Variants in ICA1 observed in about 807,000 individuals in gnomAD.
ICA1 encodes the protein 69 kDa islet cell autoantigen.
A neutral mutation model predicts 71.0 loss-of-function variants in ICA1; 40 were observed. The ratio of observed to expected loss-of-function variants is 0.56; its 90% CI spans 0.44 to 0.73. The LOEUF (loss-of-function observed/expected upper bound fraction) is 0.73, where lower values mean the gene tolerates loss of function less well. ICA1 is among the 30% of genes least tolerant of loss of function. The pLI, the probability that ICA1 is intolerant of heterozygous loss-of-function variation, is 0.00. For missense variants in ICA1, 578 were observed against 576.5 expected (o/e 1.00, Z -0.03); for synonymous variants, 207 against 209.5 (o/e 0.99, Z 0.10).
At chr7:8,142,769 G>A (rs1795656251) in intron 9 of ICA1, among the ~76,000 whole-genome samples, 1 of 152,172 alleles carries the variant, frequency 6.6e-6, no homozygotes, top group African/African-American at 2.4e-5. Flanking sequence ...CATAGTAGGT[G>A]CTCACTAAAA....
Position 8,140,664 on chromosome 7 carries a change from G to A in ICA1, c.955+1101C>T, listed in dbSNP as rs559377736. Among the ~76,000 whole-genome samples the A allele has an allele frequency of 4.6e-5, 7 of 152,316 alleles. No individual in the cohort carries two copies. In the East Asian group the frequency reaches 5.8e-4, roughly 13 times the overall value. On this transcript the variant is annotated intron_variant, in intron 10 of 13. Transcript: ENST00000402384. ...CCAGCGCCATGCCTGGCACAGAGGCGGCTCAATAAACATCTGTTGAACAAA... is the reference window on the plus strand; with the variant it reads ...CCAGCGCCATGCCTGGCACAGAGGCAGCTCAATAAACATCTGTTGAACAAA...
rs1254964031 is a variant in ICA1 at position 8,223,938 on chromosome 7, A to G, written c.257-2540T>C. On this transcript the variant is annotated intron_variant, in intron 4 of 13. Coordinates refer to ENST00000402384, the MANE Select transcript of ICA1 (RefSeq NM_001136020.3). This position sits in a 1 kb window ranked among gnomAD's most constrained non-coding sequence, Gnocchi z 4.1. ...CAACTATGGAACTATGAAATTAATT[A>G]GCTGGACAGCATTAACTCACTCAGC... is the stretch of plus-strand genomic sequence containing the variant. Among the ~76,000 whole-genome samples, 1 of 152,240 alleles carries G rather than the reference A, an allele frequency of 6.6e-6. No homozygotes were observed. The highest frequency in any genetic ancestry group is 1.9e-4 in the East Asian group (1 of 5,200).
intron 6 of ICA1, among the ~76,000 whole-genome samples, chr7:8,174,767 A>ACAAAGAAC (rs3078590): frequency 8.7e-6 from 1 of 115,136 alleles, no homozygotes; most frequent in East Asian, 3.0e-4. Context: ...AAAAAAAAAA[A>ACAAAGAAC]AAAAAAAAAA....
At chr7:8,159,161 T>A (rs1212491760) in intron 6 of ICA1, among the ~76,000 whole-genome samples, 1 of 152,230 alleles carries the variant, frequency 6.6e-6, no homozygotes, top group Non-Finnish European at 1.5e-5. Flanking sequence ...GTTTTCCCAC[T>A]AATGTCCTTT....
At chr7:8,187,801 A>G (rs1218415910) in intron 6 of ICA1, among the ~76,000 whole-genome samples, 1 of 152,244 alleles carries the variant, frequency 6.6e-6, no homozygotes. Flanking sequence ...GACACACATT[A>G]GCCCAGATTT....
At chr7:8,219,460 G>A (rs889829644) in intron 5 of ICA1, among the ~76,000 whole-genome samples, 14 of 152,354 alleles carry the variant, frequency 9.2e-5, no homozygotes, top group African/African-American at 3.4e-4. Flanking sequence ...TGCCTTACGT[G>A]CGTGTAGCAC....
chr7:8,137,477 T>C (rs1562599850), intron 12 of ICA1, among the ~76,000 whole-genome samples: 1 of 152,168 alleles, frequency 6.6e-6, no homozygotes, highest in African/African-American at 2.4e-5. Context: ...CTGACTTTGG[T>C]AAGAATAAAA....
At chr7:8,124,860 C>G (rs1368525518) in intron 13 of ICA1, among the ~76,000 whole-genome samples, 1 of 151,922 alleles carries the variant, frequency 6.6e-6, no homozygotes, top group East Asian at 1.9e-4. Flanking sequence ...GTGATCTCAG[C>G]TCACTGCAAC....
At position 8,127,927 on chromosome 7, in the gene ICA1, G is replaced by T; in HGVS notation, c.1276C>A (p.Leu426Ile). The T allele has an allele frequency of 6.2e-7, 1 of 1,614,262 alleles. No homozygotes were observed. ...TTTTGGTCTAAAAGCTGCGAAGGAA[G>T]GAAACCTGAGCCTGTCTGGGCCTTG... ...DPKAQTGSGF[L>I]PSQLLDQNMK... Residue 426 changes from leucine (L) to isoleucine (I), a missense_variant, in exon 13 of 14, where the codon CTT (leucine) becomes ATT (isoleucine). Physicochemically the swap from Leu to Ile is conservative, Grantham distance 5. Transcript: ENST00000402384.
At chr7:8,139,071 GT>G (rs1794342232) in intron 10 of ICA1, 24 bp from the exon 11 acceptor site, 2 of 1,583,996 alleles carry the variant, frequency 1.3e-6, no homozygotes, top group Non-Finnish European at 1.7e-6. Flanking sequence ...TGTGCAACTG[GT>G]TACCAACAAC....
chr7:8,127,153 T>C (rs939222925), intron 13 of ICA1, among the ~76,000 whole-genome samples: 1 of 151,674 alleles, frequency 6.6e-6, no homozygotes, highest in African/African-American at 2.4e-5. Context: ...CCTAAGTTTT[T>C]TTTTTTTTTG....
In ICA1 at chr7:8,183,611, C is replaced by T. The variant is rs868732582; in HGVS notation, c.580-24959G>A. ...ATCAGAAGCTTCCTGCCTTTGTAAC[C>T]CTGAGCAAGTTATTTAACCTTTCTG... On this transcript the variant is annotated intron_variant, in intron 6 of 13. Transcript: ENST00000402384. Among the ~76,000 whole-genome samples, 23 of 152,246 alleles carry T rather than the reference C, an allele frequency of 1.5e-4. No homozygotes were observed. In the Middle Eastern group the frequency reaches 0.014, roughly 90 times the overall value.
At chr7:8,114,698 C>T (rs1784229815) in intron 13 of ICA1, among the ~76,000 whole-genome samples, 2 of 152,230 alleles carry the variant, frequency 1.3e-5, no homozygotes, top group African/African-American at 4.8e-5. Context: ...CCCTAACTTC[C>T]TGAATACCAC....
intron 2 of ICA1, among the ~76,000 whole-genome samples, chr7:8,233,176 A>G (rs1259611113): frequency 1.3e-5 from 2 of 152,208 alleles, no homozygotes; most frequent in African/African-American, 4.8e-5. Flanking sequence ...TGATGGCAGG[A>G]AAGCAGAGAT....
intron 1 of ICA1, among the ~76,000 whole-genome samples, chr7:8,260,428 G>T (rs746513692): frequency 6.6e-6 from 1 of 152,112 alleles, no homozygotes; most frequent in Non-Finnish European, 1.5e-5. Flanking sequence ...TTACCATCCA[G>T]TATCTTTAGC....
chr7:8,156,733 T>A (rs1208255094), intron 8 of ICA1: 2 of 1,189,784 alleles, frequency 1.7e-6, no homozygotes, highest in East Asian at 2.7e-5. Flanking sequence ...ATATAATAAT[T>A]AAAAGTAACT....
At chr7:8,184,437 C>G (rs1783244177) in intron 6 of ICA1, among the ~76,000 whole-genome samples, 1 of 152,348 alleles carries the variant, frequency 6.6e-6, no homozygotes, top group Admixed American at 6.5e-5. Flanking sequence ...TTTGAAATAA[C>G]AGCTGAATTC....
chr7:8,257,016 C>T (rs1303177902), intron 1 of ICA1, among the ~76,000 whole-genome samples: 1 of 152,210 alleles, frequency 6.6e-6, no homozygotes. Context: ...TTACTTTTGA[C>T]TTCTGAGCTC....
At chr7:8,200,338 CAAAAAA>C (rs34371233) in intron 6 of ICA1, among the ~76,000 whole-genome samples, 1 of 67,954 alleles carries the variant, frequency 1.5e-5, no homozygotes, top group East Asian at 5.0e-4. Context: ...CACAGTTGAG[CAAAAAA>C]AAAAAAAAAA....
Sources: gnomAD v4.1 joint callset for allele counts (sites outside exome capture counted in the v4.1 genomes callset) on GRCh38, gnomAD v4.1.1 for gene constraint, Gnocchi (gnomAD v3.1) non-coding constraint, MANE v1.5 for transcripts, NCBI Gene and HGNC (gene_info 2026-07-23, HGNC 2026-07-21) for gene names.